Variants in VAV3 observed in about 807,000 individuals in gnomAD.
VAV3 encodes guanine nucleotide exchange factor VAV3.
VAV3 carries 94 observed loss-of-function variants against 131.2 expected under a neutral mutation model. The ratio of observed to expected loss-of-function variants is 0.72; its 90% CI spans 0.61 to 0.85. The LOEUF (loss-of-function observed/expected upper bound fraction) is 0.85, where lower values mean the gene tolerates loss of function less well. Ranked by LOEUF, VAV3 falls within the 40% of genes least tolerant of loss-of-function variation. VAV3 has a pLI of 0.00. For synonymous variants in VAV3, 349 were observed against 342.0 expected, an observed-to-expected ratio of 1.02 and a Z score of -0.22; for missense variants, 939 against 1,002.7, an observed-to-expected ratio of 0.94 and a Z score of 0.86.
intron 25 of VAV3, among the ~76,000 whole-genome samples, chr1:107,588,697 CTGTT>C (rs770261445): frequency 1.5e-4 from 23 of 152,302 alleles, no homozygotes; most frequent in Non-Finnish European, 3.1e-4. Flanking sequence ...TCTTATATAT[CTGTT>C]TGACAAAAGA....
At chr1:107,883,238 T>G (rs1160584465) in intron 1 of VAV3, among the ~76,000 whole-genome samples, 1 of 152,200 alleles carries the variant, frequency 6.6e-6, no homozygotes, top group East Asian at 1.9e-4. Flanking sequence ...TAAAAACACA[T>G]GCACCCTCTT....
At chr1:107,606,803 C>CTTTTTTTTTTTT (rs34849497) in intron 22 of VAV3, among the ~76,000 whole-genome samples, 2 of 58,008 alleles carry the variant, frequency 3.4e-5, no homozygotes, top group Non-Finnish European at 6.3e-5. Context: ...ATGGTTTCTT[C>CTTTTTTTTTTTT]TTTTTTTTTT....
intron 9 of VAV3, among the ~76,000 whole-genome samples, chr1:107,762,173 G>A (rs1396013670): frequency 6.7e-6 from 1 of 149,524 alleles, no homozygotes; most frequent in Non-Finnish European, 1.5e-5. Context: ...AACCTCATAA[G>A]TCCAAAATCC....
intron 19 of VAV3, chr1:107,669,620 G>T: frequency 3.9e-6 from 4 of 1,023,714 alleles, no homozygotes; most frequent in South Asian, 3.8e-5. Flanking sequence ...AGGTTTTTTT[G>T]TTTTTCCTAT....
chr1:107,706,594 C>T (rs1006084531), intron 15 of VAV3, among the ~76,000 whole-genome samples: 3 of 152,102 alleles, frequency 2.0e-5, no homozygotes, highest in African/African-American at 4.8e-5. Context: ...GAAAAGGAGA[C>T]ACAGGAACAT....
At chr1:107,797,988 G>A (rs779892206) in intron 2 of VAV3, among the ~76,000 whole-genome samples, 12 of 152,228 alleles carry the variant, frequency 7.9e-5, no homozygotes, top group East Asian at 1.9e-4. Flanking sequence ...GACATAGAGC[G>A]ATAAGCCATG....
intron 22 of VAV3, among the ~76,000 whole-genome samples, chr1:107,603,695 T>G (rs1419862805): frequency 6.6e-6 from 1 of 152,184 alleles, no homozygotes; most frequent in Non-Finnish European, 1.5e-5. Context: ...TGAGTAAAAT[T>G]TACTTTTAAA....
At chr1:107,734,146 A>G (rs1662440195) in intron 15 of VAV3, among the ~76,000 whole-genome samples, 1 of 152,208 alleles carries the variant, frequency 6.6e-6, no homozygotes, top group South Asian at 2.1e-4. Context: ...AATCCTTTAC[A>G]AACAAGCAAA....
At chr1:107,761,395 A>G (rs1371589137) in intron 9 of VAV3, among the ~76,000 whole-genome samples, 1 of 148,658 alleles carries the variant, frequency 6.7e-6, no homozygotes, top group East Asian at 1.9e-4. Flanking sequence ...TCCGTCTCAA[A>G]AAAAAAAAAA....
intron 15 of VAV3, among the ~76,000 whole-genome samples, chr1:107,739,301 C>T (rs1431552506): frequency 6.6e-6 from 1 of 152,262 alleles, no homozygotes; most frequent in East Asian, 1.9e-4. Context: ...CGCATGTTTC[C>T]GGATCAAACA....
At chr1:107,816,490 G>A (rs1410881684) in intron 2 of VAV3, among the ~76,000 whole-genome samples, 1 of 152,078 alleles carries the variant, frequency 6.6e-6, no homozygotes, top group Non-Finnish European at 1.5e-5. Flanking sequence ...AGCAGTCCTG[G>A]CTTACACAAT....
chr1:107,810,265 C>A (rs951661217), intron 2 of VAV3, among the ~76,000 whole-genome samples: 1 of 151,970 alleles, frequency 6.6e-6, no homozygotes, highest in Non-Finnish European at 1.5e-5. Flanking sequence ...TGGGAGAGTT[C>A]ACATCTCTCC....
intron 2 of VAV3, among the ~76,000 whole-genome samples, chr1:107,841,551 TAA>T (rs930611626): frequency 5.9e-5 from 9 of 152,202 alleles, no homozygotes; most frequent in Admixed American, 4.6e-4. Context: ...GATCAAGCTA[TAA>T]ACATGCCCCA....
At chr1:107,793,658 G>A (rs983300100) in intron 2 of VAV3, among the ~76,000 whole-genome samples, 1 of 152,178 alleles carries the variant, frequency 6.6e-6, no homozygotes. Context: ...TTGCAGGTTG[G>A]AGGTAGACAG....
At chr1:107,960,239 G>A (rs935882821) in intron 1 of VAV3, among the ~76,000 whole-genome samples, 8 of 152,158 alleles carry the variant, frequency 5.3e-5, no homozygotes, top group African/African-American at 1.4e-4. Flanking sequence ...AGGCCAAGGC[G>A]GGTGGACTGC....
intron 20 of VAV3, among the ~76,000 whole-genome samples, chr1:107,640,193 T>C (rs1452873880): frequency 6.6e-6 from 1 of 152,158 alleles, no homozygotes; most frequent in Non-Finnish European, 1.5e-5. Flanking sequence ...TTATTTGCAA[T>C]AGCCAAAAAC....
At chr1:107,788,171 C>G in intron 2 of VAV3, among the ~76,000 whole-genome samples, 1 of 152,072 alleles carries the variant, frequency 6.6e-6, no homozygotes. Context: ...AATTTCACTC[C>G]CTTCAATTTC....
chr1:107,746,312 C>T (rs1023634749), intron 15 of VAV3, among the ~76,000 whole-genome samples: 3 of 152,160 alleles, frequency 2.0e-5, no homozygotes, highest in African/African-American at 7.2e-5. Context: ...AAGCCCTCAA[C>T]TTCAACTCTG....
chr1:107,618,252 T>C (rs984372345), intron 20 of VAV3, among the ~76,000 whole-genome samples: 1 of 152,210 alleles, frequency 6.6e-6, no homozygotes, highest in Non-Finnish European at 1.5e-5. Flanking sequence ...CAGCAGTTTC[T>C]ATCTTTCACC....
Sources: gnomAD v4.1 joint callset for allele counts (sites outside exome capture counted in the v4.1 genomes callset) on GRCh38, gnomAD v4.1.1 for gene constraint, MANE v1.5 for transcripts, NCBI Gene and HGNC (gene_info 2026-07-23, HGNC 2026-07-21) for gene names.